KLRG1: variants seen among roughly 807,000 people sequenced by gnomAD.
The protein encoded by KLRG1 is killer cell lectin like receptor G1.
In KLRG1, 16 loss-of-function variants were observed where a neutral mutation model predicts 21.8. The observed-to-expected ratio is 0.73, with a 90% CI of 0.50 to 1.11. The LOEUF is 1.11. Ranked by LOEUF, KLRG1 falls within the 50% of genes most tolerant of loss-of-function variation. The pLI is 0.00. For missense variants in KLRG1, 173 were observed against 218.3 expected (o/e 0.79, Z 1.31); for synonymous variants, 69 against 75.9 (o/e 0.91, Z 0.47).
intron 1 of KLRG1, among the ~76,000 whole-genome samples, chr12:8,950,511 ACT>A (rs1220246798): frequency 6.6e-6 from 1 of 151,570 alleles, no homozygotes; most frequent in East Asian, 1.9e-4. Flanking sequence ...TCGTGCATTC[ACT>A]CTCTTCAGAA....
chr12:9,173,789 A>G, the KLRG1 span, among the ~76,000 whole-genome samples: 1 of 152,218 alleles, frequency 6.6e-6, no homozygotes, highest in Non-Finnish European at 1.5e-5. Context: ...AAGAAACTGA[A>G]TATTTGAATA....
intron 1 of KLRG1, among the ~76,000 whole-genome samples, chr12:8,973,803 T>C (rs1354051434): frequency 6.6e-6 from 1 of 152,194 alleles, no homozygotes; most frequent in Non-Finnish European, 1.5e-5. Flanking sequence ...ATTCTAAGTA[T>C]TTTATTCTTT....
At chr12:9,110,067 A>G in the KLRG1 span, 2 of 1,579,152 alleles carry the variant, frequency 1.3e-6, no homozygotes, top group South Asian at 2.3e-5. Context: ...AACTTACAAA[A>G]GCACCTGGAG....
At chr12:9,210,879 T>A in the KLRG1 span, among the ~76,000 whole-genome samples, 1 of 152,202 alleles carries the variant, frequency 6.6e-6, no homozygotes, top group African/African-American at 2.4e-5. Flanking sequence ...AGAGGTTTAA[T>A]GTTTCCACTC....
intron 1 of KLRG1, among the ~76,000 whole-genome samples, chr12:8,978,178 T>A (rs1008986599): frequency 2.6e-5 from 4 of 152,208 alleles, no homozygotes; most frequent in Non-Finnish European, 5.9e-5. Flanking sequence ...CCAGGAGATT[T>A]AGGCTTTCAC....
At chr12:9,074,167 A>G in the KLRG1 span, among the ~76,000 whole-genome samples, 1 of 151,968 alleles carries the variant, frequency 6.6e-6, no homozygotes, top group Admixed American at 6.6e-5. Flanking sequence ...AGGGGACCTA[A>G]GAATGGAGAG....
the KLRG1 span, among the ~76,000 whole-genome samples, chr12:9,184,596 G>A: frequency 6.6e-6 from 1 of 152,246 alleles, no homozygotes; most frequent in Non-Finnish European, 1.5e-5. Context: ...CATGCTGCTG[G>A]TACATGTGAA....
the KLRG1 span, among the ~76,000 whole-genome samples, chr12:9,117,417 G>A: frequency 2.0e-5 from 3 of 152,102 alleles, no homozygotes; most frequent in Non-Finnish European, 4.4e-5. Flanking sequence ...ATTTGTGGTG[G>A]TATTGAAAAG....
intron 3 of KLRG1, among the ~76,000 whole-genome samples, chr12:8,997,943 C>T (rs751335679): frequency 5.3e-5 from 8 of 152,090 alleles, no homozygotes; most frequent in Non-Finnish European, 7.4e-5. Context: ...CCTGCCTCCA[C>T]GCCCGACCTT....
the KLRG1 span, among the ~76,000 whole-genome samples, chr12:9,197,609 A>C: frequency 3.3e-4 from 34 of 102,604 alleles, 1 homozygote; most frequent in African/African-American, 1.4e-3. Context: ...TATAATATAT[A>C]TTATATATTT....
At chr12:9,169,367 C>T in the KLRG1 span, 5 of 1,399,876 alleles carry the variant, frequency 3.6e-6, no homozygotes, top group East Asian at 1.2e-4. Flanking sequence ...TGAATAGATA[C>T]AGAGTTTTAT....
At chr12:8,977,370 A>ATTTTTTTTTTTTT (rs1229287155) in intron 1 of KLRG1, among the ~76,000 whole-genome samples, 1 of 127,842 alleles carries the variant, frequency 7.8e-6, no homozygotes, top group Non-Finnish European at 1.6e-5. Flanking sequence ...TGCCTGGCTA[A>ATTTTTTTTTTTTT]TTTTTTTTTT....
At chr12:8,995,889 A>G (rs185224632) in intron 3 of KLRG1, among the ~76,000 whole-genome samples, 3 of 152,058 alleles carry the variant, frequency 2.0e-5, no homozygotes, top group Non-Finnish European at 4.4e-5. Flanking sequence ...TCACCATGTT[A>G]GCCAGGATGG....
chr12:9,009,021 T>A lies in KLRG1; in HGVS notation c.404T>A (p.Leu135Gln). Residue 135 changes from leucine (L) to glutamine (Q), a missense_variant, in exon 4 of 5, where the codon CTG (leucine) becomes CAG (glutamine). Leu to Gln is a moderately radical substitution (Grantham distance 113, BLOSUM62 -2). Around this residue, in one of 3 missense-constraint regions of KLRG1, gnomAD observed 144 missense variants for 161.5 expected, o/e 0.89. Transcript: ENST00000356986. ...AGTGAGGCCTTTTGCTGGATTGGTC[T>A]GAGGAACAATTCTGGCTGGAGGTGG... ...FLSEAFCWIG[L>Q]RNNSGWRWED... The A allele has an allele frequency of 6.2e-7, 1 of 1,613,972 alleles. No homozygotes were observed. The highest frequency in any genetic ancestry group is 8.5e-7 in the Non-Finnish European group (1 of 1,179,938).
At chr12:9,095,839 A>G in the KLRG1 span, 1 of 645,174 alleles carries the variant, frequency 1.5e-6, no homozygotes, top group Non-Finnish European at 2.4e-6. Flanking sequence ...GGCTCACTGC[A>G]AGCTCCGCTT....
chr12:8,966,387 C>A (rs960706385), intron 1 of KLRG1, among the ~76,000 whole-genome samples: 12 of 152,038 alleles, frequency 7.9e-5, no homozygotes, highest in African/African-American at 2.9e-4. Context: ...AAACTATCAT[C>A]AGAGTGAACA....
chr12:8,957,965 C>T (rs939512088), intron 1 of KLRG1, among the ~76,000 whole-genome samples: 3 of 152,196 alleles, frequency 2.0e-5, no homozygotes, highest in Non-Finnish European at 2.9e-5. Flanking sequence ...GGGGAACTAT[C>T]GTATTTCTCA....
At chr12:8,964,509 T>A (rs1946432769) in intron 1 of KLRG1, among the ~76,000 whole-genome samples, 2 of 152,214 alleles carry the variant, frequency 1.3e-5, no homozygotes, top group African/African-American at 4.8e-5. Context: ...GAATGTTTAT[T>A]CTGTTGATTT....
At chr12:9,042,077 T>C in the KLRG1 span, among the ~76,000 whole-genome samples, 1 of 152,284 alleles carries the variant, frequency 6.6e-6, no homozygotes, top group Non-Finnish European at 1.5e-5. Context: ...AAAGGTCGCT[T>C]GTGTAATGTA....
Sources: allele counts gnomAD v4.1 joint callset (sites outside exome capture counted in the v4.1 genomes callset), GRCh38; gene constraint gnomAD v4.1.1; regional missense constraint gnomAD v4.1.1; transcripts MANE v1.5; gene names NCBI Gene and HGNC (gene_info 2026-07-23, HGNC 2026-07-21).